KLHL1: variants seen among roughly 807,000 people sequenced by gnomAD.
KLHL1 encodes kelch-like protein 1.
In KLHL1, 47 loss-of-function variants were observed where a neutral mutation model predicts 77.7. The observed-to-expected ratio is 0.60, with a 90% CI of 0.48 to 0.77. The LOEUF is 0.77. Among genes scored for constraint, KLHL1 ranks in the 30% least tolerant of loss-of-function variants. The pLI is 0.00. For synonymous variants in KLHL1, 360 were observed against 325.2 expected (o/e 1.11, Z -1.15); for missense variants, 925 against 910.8 (o/e 1.02, Z -0.20).
At chr13:69,861,417 TG>T (rs1177527209) in intron 5 of KLHL1, among the ~76,000 whole-genome samples, 1 of 152,078 alleles carries the variant, frequency 6.6e-6, no homozygotes, top group Non-Finnish European at 1.5e-5. Context: ...ATAGCATCAG[TG>T]ATTTCCTACT....
rs147348570 is a variant in KLHL1 at position 69,937,983 on chromosome 13, C to A, written c.1014+2057G>T. Among the ~76,000 whole-genome samples, 168 of 151,742 alleles carry A rather than the reference C, an allele frequency of 1.1e-3. 1 individual carries two copies. Among genetic ancestry groups the A allele is most frequent in the Middle Eastern group, 0.01 (3 of 290 alleles). ...CAGGAGAGAAGTTAATTCTATCCCA[C>A]GTGTAGTAGAAAAAATGGAATGATT... On this transcript the variant is annotated intron_variant, in intron 4 of 10. Transcript: ENST00000377844.
chr13:70,036,736 C>A (rs1886247014), intron 1 of KLHL1, among the ~76,000 whole-genome samples: 1 of 150,476 alleles, frequency 6.6e-6, no homozygotes, highest in Admixed American at 6.6e-5. Context: ...GTGTTCATTT[C>A]TCTCATTAGA....
chr13:70,100,115 A>G (rs565565483), intron 1 of KLHL1, among the ~76,000 whole-genome samples: 1 of 152,192 alleles, frequency 6.6e-6, no homozygotes, highest in Non-Finnish European at 1.5e-5. Context: ...TGTTCATTTT[A>G]TAGATCAACT....
Position 70,108,040 on chromosome 13 carries a change from G to C in KLHL1, c.-341C>G, listed in dbSNP as rs967995542. On this transcript the variant is annotated 5_prime_UTR_variant, in exon 1 of 11. Transcript: ENST00000377844. ...GCGAGGTGGGACAACCCTTAGGCTG[G>C]AGATGCGCGAGGGAGGGAGGTCTGA... 2 of 427,206 alleles carry C rather than the reference G, an allele frequency of 4.7e-6. No homozygotes were observed. The highest frequency in any genetic ancestry group is 8.2e-6 in the Non-Finnish European group (2 of 242,444). The allele number at this position is 427,206 out of a possible 1,614,324, so 26.5% of individuals were successfully genotyped here. A position where few individuals can be genotyped will look rare whatever the true frequency, so the allele number is the denominator to read the frequency against.
At chr13:69,760,556 T>C (rs1874973159) in intron 7 of KLHL1, among the ~76,000 whole-genome samples, 1 of 151,930 alleles carries the variant, frequency 6.6e-6, no homozygotes, top group Non-Finnish European at 1.5e-5. Context: ...GGTTTCATCA[T>C]ATTTCCCAGG....
chr13:70,105,803 A>G (rs1409593889), intron 1 of KLHL1, among the ~76,000 whole-genome samples: 2 of 150,994 alleles, frequency 1.3e-5, no homozygotes, highest in African/African-American at 4.8e-5. Context: ...TCTTTTTCCT[A>G]AAATATTTCA....
chr13:70,018,904 G>A (rs1885722375), intron 1 of KLHL1, among the ~76,000 whole-genome samples: 1 of 152,188 alleles, frequency 6.6e-6, no homozygotes, highest in South Asian at 2.1e-4. Flanking sequence ...GGAAACAGAA[G>A]AGATTAATGT....
chr13:69,950,522 A>G (rs1883673640), intron 3 of KLHL1, among the ~76,000 whole-genome samples: 1 of 151,586 alleles, frequency 6.6e-6, no homozygotes, highest in South Asian at 2.1e-4. Context: ...AGTTTAACCT[A>G]AAACAGCATG....
chr13:70,093,446 A>G (rs562150667), intron 1 of KLHL1, among the ~76,000 whole-genome samples: 29 of 152,316 alleles, frequency 1.9e-4, no homozygotes, highest in African/African-American at 7.0e-4. Context: ...GTAATAAAAG[A>G]GTAATACATT....
chr13:70,084,521 T>C (rs1299597114), intron 1 of KLHL1, among the ~76,000 whole-genome samples: 1 of 140,160 alleles, frequency 7.1e-6, no homozygotes, highest in Non-Finnish European at 1.5e-5. Context: ...TGCAGTGGCG[T>C]GATCTCTGCT....
intron 4 of KLHL1, among the ~76,000 whole-genome samples, chr13:69,913,926 C>T (rs1436344756): frequency 1.3e-5 from 2 of 152,188 alleles, no homozygotes; most frequent in African/African-American, 4.8e-5. Context: ...CTGGGAAAGG[C>T]AGACCCACCC....
intron 1 of KLHL1, among the ~76,000 whole-genome samples, chr13:70,027,994 A>G (rs1435212331): frequency 6.6e-6 from 1 of 152,180 alleles, no homozygotes; most frequent in Admixed American, 6.5e-5. Context: ...GATTGAAGAA[A>G]TTCCTAAAAG....
intron 8 of KLHL1, among the ~76,000 whole-genome samples, chr13:69,733,565 A>G (rs1873640854): frequency 6.6e-6 from 1 of 152,212 alleles, no homozygotes; most frequent in South Asian, 2.1e-4. Flanking sequence ...TTGAAAATAA[A>G]CTTCAACAGA....
At chr13:69,761,915 A>G (rs1258162629) in intron 7 of KLHL1, among the ~76,000 whole-genome samples, 2 of 152,276 alleles carry the variant, frequency 1.3e-5, no homozygotes, top group African/African-American at 2.4e-5. Flanking sequence ...AATTGCTAAG[A>G]TGGTTTATGA....
rs761045603 is a variant in KLHL1, at chr13:69,895,226, T to G, written c.1015-12731A>C. On this transcript the variant is annotated intron_variant, in intron 4 of 10. Transcript: ENST00000377844. ...ATGTGAGGTGTTACCAGTTGCAGTT[T>G]GCTGGCAGCATCTGGTCCCTTTGTT... 133 of 518,640 alleles carry G rather than the reference T, an allele frequency of 2.6e-4. 1 individual carries two copies. In the Middle Eastern group the frequency reaches 3.5e-3, roughly 14 times the overall value. 32.1% of individuals were successfully genotyped at this position (518,640 alleles called of 1,614,324 possible).
intron 3 of KLHL1, among the ~76,000 whole-genome samples, chr13:69,945,153 T>A (rs1883483674): frequency 6.6e-6 from 1 of 151,586 alleles, no homozygotes; most frequent in East Asian, 1.9e-4. Flanking sequence ...GCCCAGCTAA[T>A]TTTTTGTATG....
chr13:69,904,257 T>G (rs116352978), intron 4 of KLHL1, among the ~76,000 whole-genome samples: 2,615 of 152,250 alleles, frequency 0.017, 79 homozygotes, highest in African/African-American at 0.059. Context: ...TGTTTAAATT[T>G]TATGAGTCTC....
intron 7 of KLHL1, among the ~76,000 whole-genome samples, chr13:69,749,033 G>A (rs951096141): frequency 1.3e-5 from 2 of 151,898 alleles, no homozygotes; most frequent in African/African-American, 4.8e-5. Flanking sequence ...ACATTATAAA[G>A]GAATATATTT....
chr13:69,732,601 G>C (rs1182418844), intron 8 of KLHL1, among the ~76,000 whole-genome samples: 1 of 151,932 alleles, frequency 6.6e-6, no homozygotes, highest in Non-Finnish European at 1.5e-5. Context: ...GTGGGTGGCA[G>C]AGACTGAAAG....
Sources: allele counts gnomAD v4.1 joint callset (sites outside exome capture counted in the v4.1 genomes callset), GRCh38; gene constraint gnomAD v4.1.1; transcripts MANE v1.5; gene names NCBI Gene and HGNC (gene_info 2026-07-23, HGNC 2026-07-21).